The following NELL2 variants were observed in gnomAD, a reference collection of about 807,000 sequenced individuals.
NELL2 encodes neural EGFL like 2.
Under a neutral mutation model 109.6 loss-of-function variants are expected in NELL2, and 41 were observed. That is an observed-to-expected ratio of 0.37 (90% CI 0.29 to 0.49). NELL2 has a LOEUF of 0.49. Ranked by LOEUF, NELL2 falls within the 20% of genes least tolerant of loss-of-function variation. NELL2 has a pLI of 0.98. For synonymous variants in NELL2, 355 were observed against 344.7 expected (o/e 1.03, Z -0.33); for missense variants, 900 against 1,008.3 (o/e 0.89, Z 1.45).
chr12:44,575,991 C>A (rs1428636873), intron 15 of NELL2, among the ~76,000 whole-genome samples: 1 of 152,182 alleles, frequency 6.6e-6, no homozygotes, highest in Non-Finnish European at 1.5e-5. Context: ...ATATACCAGG[C>A]TTTCCTGGCC....
chr12:44,784,523 C>A (rs1388992226), intron 3 of NELL2, among the ~76,000 whole-genome samples: 1 of 152,118 alleles, frequency 6.6e-6, no homozygotes, highest in East Asian at 1.9e-4. Context: ...CTCCCTAACT[C>A]ATTTTATGAG....
rs1350286940 is a variant in NELL2 at position 44,727,851 on chromosome 12, CA to C, written c.995-13111del. On this transcript the variant is annotated intron_variant, in intron 9 of 19. Coordinates refer to ENST00000429094, the MANE Select transcript of NELL2 (RefSeq NM_001145108.2). ...TAACCTTCTCACAATAACAAATAAT[CA>C]AAAGAAAATTTGGTTACATTACCCC... 6.6e-5 allele frequency among the ~76,000 whole-genome samples: 10 copies of C among 152,018 alleles called. No individual in the cohort carries two copies. The East Asian group carries it at 1.3e-3, about 21-fold the overall frequency.
intron 13 of NELL2, among the ~76,000 whole-genome samples, chr12:44,615,075 A>G (rs1304696729): frequency 6.6e-6 from 1 of 152,122 alleles, no homozygotes; most frequent in African/African-American, 2.4e-5. Flanking sequence ...TAAGTAAAAA[A>G]ACACAAAGCT....
At chr12:44,590,003 C>T (rs911776460) in intron 15 of NELL2, among the ~76,000 whole-genome samples, 1 of 152,138 alleles carries the variant, frequency 6.6e-6, no homozygotes, top group Admixed American at 6.5e-5. Context: ...CACACTGATA[C>T]CTACCCAACT....
intron 15 of NELL2, among the ~76,000 whole-genome samples, chr12:44,555,411 T>A (rs1943213128): frequency 6.6e-6 from 1 of 152,136 alleles, no homozygotes; most frequent in African/African-American, 2.4e-5. Flanking sequence ...TTCTTATGAG[T>A]CTTCGAACCT....
intron 2 of NELL2, among the ~76,000 whole-genome samples, chr12:44,847,054 T>C (rs1460782885): frequency 1.3e-5 from 2 of 152,184 alleles, no homozygotes; most frequent in African/African-American, 4.8e-5. Flanking sequence ...TACTATGCAA[T>C]GCCTGATACC....
upstream of NELL2, among the ~76,000 whole-genome samples, chr12:44,915,698 G>A (rs1360240266): frequency 6.6e-6 from 1 of 152,058 alleles, no homozygotes; most frequent in Non-Finnish European, 1.5e-5. Context: ...AGAGCCCAAG[G>A]TCCGGCAACA....
chr12:44,599,860 A>G (rs1321238810), intron 15 of NELL2, among the ~76,000 whole-genome samples: 1 of 152,064 alleles, frequency 6.6e-6, no homozygotes, highest in East Asian at 1.9e-4. Flanking sequence ...AAAATGAATT[A>G]CAATTGAATT....
chr12:44,565,386 T>C (rs992972845), intron 15 of NELL2, among the ~76,000 whole-genome samples: 2 of 152,346 alleles, frequency 1.3e-5, no homozygotes, highest in Admixed American at 6.5e-5. Flanking sequence ...TTCTGATTTT[T>C]GGAATGTTAA....
chr12:44,673,319 G>T (rs1214837980), intron 12 of NELL2, among the ~76,000 whole-genome samples: 1 of 152,172 alleles, frequency 6.6e-6, no homozygotes, highest in Non-Finnish European at 1.5e-5. Flanking sequence ...GTGTATTTTA[G>T]TTCCAAATCC....
At chr12:44,665,364 AT>A in intron 13 of NELL2, 119 bp downstream of exon 13, 1 of 792,432 alleles carries the variant, frequency 1.3e-6, no homozygotes, top group Non-Finnish European at 1.9e-6. Context: ...AGAAGATATG[AT>A]TTTGCTAATG....
rs192026141 is a variant in NELL2, at chr12:44,848,994, G to A, written c.184+26231C>T. On this transcript the variant is annotated intron_variant, in intron 2 of 19. Transcript: ENST00000429094. ...TGAACTCATTTACATTACTTGCCTG[G>A]CCCATGTAAGCAAAACGATGTTGTG... 3.5e-3 allele frequency among the ~76,000 whole-genome samples: 531 copies of A among 152,142 alleles called. 3 individuals are homozygous for A. Among genetic ancestry groups the A allele is most frequent in the Non-Finnish European group, 4.2e-3 (284 of 67,996 alleles).
At chr12:44,597,114 G>A (rs1221120024) in intron 15 of NELL2, among the ~76,000 whole-genome samples, 1 of 152,028 alleles carries the variant, frequency 6.6e-6, no homozygotes, top group Non-Finnish European at 1.5e-5. Context: ...CTTGTGATTA[G>A]TAAATTTCTT....
At chr12:44,515,167 A>G (rs1490626892) in intron 19 of NELL2, among the ~76,000 whole-genome samples, 1 of 151,864 alleles carries the variant, frequency 6.6e-6, no homozygotes, top group Non-Finnish European at 1.5e-5. Context: ...AAATGTAAAT[A>G]AACAAAACAC....
intron 15 of NELL2, among the ~76,000 whole-genome samples, chr12:44,569,399 A>G (rs1213520136): frequency 1.3e-5 from 2 of 152,152 alleles, no homozygotes; most frequent in African/African-American, 4.8e-5. Context: ...ATATATGCCC[A>G]ATAATGAGAT....
chr12:44,733,622 C>A (rs1413971484), intron 9 of NELL2, among the ~76,000 whole-genome samples: 1 of 151,824 alleles, frequency 6.6e-6, no homozygotes. Context: ...TGAGAAAGTC[C>A]TAGATGTCTG....
chr12:44,874,778 A>G (rs985685741), intron 2 of NELL2, among the ~76,000 whole-genome samples: 1 of 152,156 alleles, frequency 6.6e-6, no homozygotes, highest in African/African-American at 2.4e-5. Context: ...AGAGGCATTA[A>G]TTTTTCCAGA....
Position 44,583,828 on chromosome 12 carries a change from A to G in NELL2, c.1663+23341T>C, listed in dbSNP as rs574240595. Among the ~76,000 whole-genome samples the G allele has an allele frequency of 2.0e-5, 3 of 152,292 alleles. No homozygotes were observed. In the East Asian group the frequency reaches 5.8e-4, roughly 29 times the overall value. On this transcript the variant is annotated intron_variant, in intron 15 of 19. Transcript: ENST00000429094. The stretch of plus-strand genomic sequence containing the variant: ...GGCTCTATTGCCCAGGCTGGAGTGC[A>G]GTGGCACAATCTCAGCTCATTGCAA...
At chr12:44,755,799 A>G (rs974557992) in intron 9 of NELL2, among the ~76,000 whole-genome samples, 2 of 152,138 alleles carry the variant, frequency 1.3e-5, no homozygotes, top group African/African-American at 4.8e-5. Flanking sequence ...TAAGTCTCAA[A>G]GTTTAGTTAG....
Sources: gnomAD v4.1 joint callset for allele counts (sites outside exome capture counted in the v4.1 genomes callset) on GRCh38, gnomAD v4.1.1 for gene constraint, MANE v1.5 for transcripts, NCBI Gene and HGNC (gene_info 2026-07-23, HGNC 2026-07-21) for gene names.